The following SLC37A1 variants were observed in gnomAD, a reference collection of about 807,000 sequenced individuals.
The protein encoded by SLC37A1 is solute carrier family 37 member 1.
In SLC37A1, 49 loss-of-function variants were observed where a neutral mutation model predicts 75.3. That is an observed-to-expected ratio of 0.65 (90% CI 0.52 to 0.83). The LOEUF (loss-of-function observed/expected upper bound fraction) is 0.83. SLC37A1 is among the 40% of genes least tolerant of loss of function. The pLI is 0.00. For missense variants in SLC37A1, 566 were observed against 695.0 expected, an observed-to-expected ratio of 0.81 and a Z score of 2.09; for synonymous variants, 268 against 292.1, an observed-to-expected ratio of 0.92 and a Z score of 0.84.
intron 12 of SLC37A1, among the ~76,000 whole-genome samples, chr21:42,562,962 T>A (rs2055871977): frequency 6.6e-6 from 1 of 152,036 alleles, no homozygotes; most frequent in Non-Finnish European, 1.5e-5. Context: ...GGGATGCAGA[T>A]CCCACCAGAG....
rs1382818649 is a variant in SLC37A1 at position 42,552,690 on chromosome 21, C to G, written c.769-1372C>G. 6.6e-6 allele frequency among the ~76,000 whole-genome samples: 1 copy of G among 152,186 alleles called. No homozygotes were observed. The highest frequency in any genetic ancestry group is 1.5e-5 in the Non-Finnish European group (1 of 68,000). Reference sequence around the variant, plus strand: ...AGGCCCCTTCCCTTTCAGGAGACTTCCTAGCATTTCCTAACATCATTTCTG... The same window carrying G: ...AGGCCCCTTCCCTTTCAGGAGACTTGCTAGCATTTCCTAACATCATTTCTG... On this transcript the variant is annotated intron_variant, in intron 9 of 19. Coordinates refer to ENST00000352133, the MANE Select transcript of SLC37A1 (RefSeq NM_001320537.2). The surrounding 1 kb of genome is among the most constrained non-coding windows in gnomAD (Gnocchi z 4.2).
rs958800344 is a variant in SLC37A1, at chr21:42,542,298, C to T, written c.487-106C>T. ...AAATTGACAGTCCATCTCTGGCTGT[C>T]GTGCCCCCTGCTTTGTGTAAGTGGA... On this transcript the variant is annotated intron_variant, in intron 6 of 19. Coordinates refer to ENST00000352133, the MANE Select transcript of SLC37A1 (RefSeq NM_001320537.2). 35 of 813,524 alleles carry T rather than the reference C, an allele frequency of 4.3e-5. No individual in the cohort carries two copies. The East Asian group carries it at 7.3e-4, about 17-fold the overall frequency. The allele number at this position is 813,524 out of a possible 1,614,324, so 50.4% of individuals were successfully genotyped here.
chr21:42,522,216 T>C (rs886473018), intron 2 of SLC37A1, among the ~76,000 whole-genome samples: 2 of 152,216 alleles, frequency 1.3e-5, no homozygotes, highest in Admixed American at 1.3e-4. Context: ...AAGGTCACGT[T>C]CTGAGGTTTT....
At chr21:42,518,857 A>G (rs2054577322) in intron 2 of SLC37A1, among the ~76,000 whole-genome samples, 1 of 152,266 alleles carries the variant, frequency 6.6e-6, no homozygotes, top group Admixed American at 6.5e-5. Context: ...TATAAGTTAC[A>G]CAACTCTGAG....
At chr21:42,527,743 C>G (rs1667713175) in intron 3 of SLC37A1, among the ~76,000 whole-genome samples, 1 of 152,114 alleles carries the variant, frequency 6.6e-6, no homozygotes. Flanking sequence ...GAGTACAGTC[C>G]CAGCATCACC....
Position 42,516,974 on chromosome 21 carries a change from G to C in SLC37A1, c.-178-1303G>C, listed in dbSNP as rs114118223. Among the ~76,000 whole-genome samples, 393 of 152,330 alleles carry C rather than the reference G, an allele frequency of 2.6e-3. 1 individual carries two copies. The highest frequency in any genetic ancestry group is 8.8e-3 in the African/African-American group (366 of 41,568). On this transcript the variant is annotated intron_variant, in intron 1 of 19. Transcript: ENST00000352133. ...ATATTGCTTAAATCTAGAGGTTTGA[G>C]CAGACGTGGTTTTGAAGTATTTGTG...
chr21:42,523,897 CT>C lies in SLC37A1; in HGVS notation c.57-1868del, dbSNP rs11450148. Among the ~76,000 whole-genome samples the C allele has an allele frequency of 3.2e-4, 47 of 148,722 alleles. 1 individual carries two copies. The East Asian group carries it at 6.3e-3, about 20-fold the overall frequency. On this transcript the variant is annotated intron_variant, in intron 2 of 19. Coordinates refer to ENST00000352133, the MANE Select transcript of SLC37A1 (RefSeq NM_001320537.2). Reference sequence around the variant, plus strand: ...CTTTCTTTCCCACCTGAAATATGGCCTTTTTTTTTTTAAGAAAAATCTGGAA... The same window carrying C: ...CTTTCTTTCCCACCTGAAATATGGCCTTTTTTTTTTAAGAAAAATCTGGAA...
chr21:42,558,868 C>T, intron 10 of SLC37A1, 90 bp from the exon 11 acceptor site: 1 of 1,550,366 alleles, frequency 6.5e-7, no homozygotes, highest in Non-Finnish European at 8.8e-7. Context: ...CCGCCAGGCA[C>T]CCTCGTCATT....
chr21:42,580,041 G>T (rs1265958745), intron 19 of SLC37A1, among the ~76,000 whole-genome samples: 2 of 152,176 alleles, frequency 1.3e-5, no homozygotes, highest in African/African-American at 4.8e-5. Flanking sequence ...TTGGCATTCT[G>T]TTGGAGCTGC....
At chr21:42,559,400 T>C (rs972904338) in intron 11 of SLC37A1, among the ~76,000 whole-genome samples, 7 of 152,262 alleles carry the variant, frequency 4.6e-5, no homozygotes, top group Admixed American at 4.6e-4. Flanking sequence ...ACCCTGGGCC[T>C]GCCCCCATGT....
intron 3 of SLC37A1, among the ~76,000 whole-genome samples, chr21:42,526,382 T>C (rs1461646748): frequency 6.6e-6 from 1 of 152,198 alleles, no homozygotes; most frequent in Non-Finnish European, 1.5e-5. Flanking sequence ...CAGGAATAAT[T>C]TTCTTACCCT....
chr21:42,522,059 T>A (rs2054663289), intron 2 of SLC37A1, among the ~76,000 whole-genome samples: 1 of 152,248 alleles, frequency 6.6e-6, no homozygotes, highest in South Asian at 2.1e-4. Context: ...CACCAGTCTC[T>A]GCCTGTGTGG....
At chr21:42,544,830 G>A (rs1206816586) in intron 8 of SLC37A1, among the ~76,000 whole-genome samples, 1 of 152,182 alleles carries the variant, frequency 6.6e-6, no homozygotes, top group Non-Finnish European at 1.5e-5. Flanking sequence ...GTGCCCCTGC[G>A]CTCCAAGTGT....
chr21:42,543,323 C>T, intron 7 of SLC37A1, 113 bp from the exon 8 acceptor site: 1 of 1,198,406 alleles, frequency 8.3e-7, no homozygotes, highest in East Asian at 2.3e-5. Flanking sequence ...TGCATGGCCC[C>T]CCGTTGATTC....
rs1427730653 is a variant in SLC37A1 at position 42,545,480 on chromosome 21, A to G, written c.731-1623A>G. Among the ~76,000 whole-genome samples the G allele has an allele frequency of 2.0e-5, 3 of 152,208 alleles. No homozygotes were observed. Among genetic ancestry groups the G allele is most frequent in the Admixed American group, 6.5e-5 (1 of 15,280 alleles). Reference sequence around the variant, plus strand: ...ATCAGATGTGCCATTCTTGCGGTCAACAGAGGATGTGGCTTTCTCTGCTGC... The same window carrying G: ...ATCAGATGTGCCATTCTTGCGGTCAGCAGAGGATGTGGCTTTCTCTGCTGC... On this transcript the variant is annotated intron_variant, in intron 8 of 19. Coordinates refer to ENST00000352133, the MANE Select transcript of SLC37A1 (RefSeq NM_001320537.2). This position sits in a 1 kb window ranked among gnomAD's most constrained non-coding sequence, Gnocchi z 4.0.
intron 15 of SLC37A1, among the ~76,000 whole-genome samples, chr21:42,566,767 C>A (rs937285703): frequency 1.3e-5 from 2 of 152,246 alleles, no homozygotes; most frequent in Admixed American, 6.5e-5. Flanking sequence ...CCTGTGATCG[C>A]TCCCTCATGG....
intron 2 of SLC37A1, among the ~76,000 whole-genome samples, chr21:42,505,508 G>C (rs2054376095): frequency 6.6e-6 from 1 of 152,120 alleles, no homozygotes; most frequent in Non-Finnish European, 1.5e-5. Context: ...GTGTCTCCCA[G>C]GTGGGTAGCC....
At chr21:42,508,224 G>A (rs895617191) in intron 2 of SLC37A1, among the ~76,000 whole-genome samples, 2 of 149,796 alleles carry the variant, frequency 1.3e-5, no homozygotes, top group African/African-American at 4.9e-5. Context: ...TGCCTCCCGG[G>A]TTCAAGCAAT....
At chr21:42,574,064 T>C (rs1463600716) in intron 17 of SLC37A1, among the ~76,000 whole-genome samples, 1 of 152,030 alleles carries the variant, frequency 6.6e-6, no homozygotes, top group Non-Finnish European at 1.5e-5. Context: ...CACACACACA[T>C]GCATAATTTT....
Sources: gnomAD v4.1 joint callset for allele counts (sites outside exome capture counted in the v4.1 genomes callset) on GRCh38, gnomAD v4.1.1 for gene constraint, Gnocchi (gnomAD v3.1) non-coding constraint, MANE v1.5 for transcripts, NCBI Gene and HGNC (gene_info 2026-07-23, HGNC 2026-07-21) for gene names.